HOOK1: variants seen among roughly 807,000 people sequenced by gnomAD.
The protein encoded by HOOK1 is hook microtubule tethering protein 1.
HOOK1 carries 60 observed loss-of-function variants against 112.8 expected under a neutral mutation model. That is an observed-to-expected ratio of 0.53 (90% CI 0.43 to 0.66). The LOEUF (loss-of-function observed/expected upper bound fraction) is 0.66. Among genes scored for constraint, HOOK1 ranks in the 30% least tolerant of loss-of-function variants. The pLI is 0.00. For missense variants in HOOK1, 770 were observed against 856.0 expected (o/e 0.90, Z 1.25); for synonymous variants, 294 against 283.8 (o/e 1.04, Z -0.36).
chr1:59,837,324 C>G (rs753170849), intron 7 of HOOK1, among the ~76,000 whole-genome samples: 42 of 152,290 alleles, frequency 2.8e-4, no homozygotes, highest in Middle Eastern at 3.4e-3. Flanking sequence ...CTCAAGGCTC[C>G]TTTCCTTCAG....
At chr1:59,825,550 T>C (rs1280638456) in intron 2 of HOOK1, among the ~76,000 whole-genome samples, 1 of 152,250 alleles carries the variant, frequency 6.6e-6, no homozygotes, top group Non-Finnish European at 1.5e-5. Flanking sequence ...TTATTTGACT[T>C]TCTTTCATTT....
rs887831172 is a variant in HOOK1 at position 59,845,577 on chromosome 1, GT to G, written c.789-1458del. Reference sequence around the variant, plus strand: ...ACCCTGCTAAAAGTTTTTTGTTTTTGTTTTTTTTTTCAATCATGATTAGCTG... The same window carrying G: ...ACCCTGCTAAAAGTTTTTTGTTTTTGTTTTTTTTTCAATCATGATTAGCTG... On this transcript the variant is annotated intron_variant, in intron 9 of 21. Transcript: ENST00000371208. Among the ~76,000 whole-genome samples, 26 of 142,384 alleles carry G rather than the reference GT, an allele frequency of 1.8e-4. 1 individual carries two copies. In the South Asian group the frequency reaches 4.0e-3, roughly 22 times the overall value. 93.4% of individuals were successfully genotyped at this position (142,384 alleles called of 152,430 possible). A position where few individuals can be genotyped will look rare whatever the true frequency, so the allele number is the denominator to read the frequency against.
intron 1 of HOOK1, 108 bp from the exon 2 acceptor site, chr1:59,821,750 T>C (rs986315079): frequency 2.7e-6 from 1 of 364,876 alleles, no homozygotes; most frequent in South Asian, 5.1e-5. Context: ...CAGGACCATG[T>C]TTTTTTTTTT....
At chr1:59,830,745 A>G (rs1314970754) in intron 3 of HOOK1, among the ~76,000 whole-genome samples, 1 of 151,952 alleles carries the variant, frequency 6.6e-6, no homozygotes. Flanking sequence ...CATTGTCTCA[A>G]TTCTTTTATC....
chr1:59,835,335 T>A lies in HOOK1; in HGVS notation c.407-10T>A, dbSNP rs778849399. The stretch of plus-strand genomic sequence containing the variant: ...AGATTTTTTTCAGATTTGATTTTTT[T>A]AAATCATAGAACATATTCAAAATAT... On this transcript the variant is annotated splice_polypyrimidine_tract_variant and intron_variant, in intron 5 of 21. Coordinates refer to ENST00000371208, the MANE Select transcript of HOOK1 (RefSeq NM_015888.6). 6 of 1,518,334 alleles carry A rather than the reference T, an allele frequency of 4.0e-6. No individual in the cohort carries two copies. The Admixed American group carries it at 5.1e-5, about 13-fold the overall frequency. The allele number at this position is 1,518,334 out of a possible 1,614,324, so 94.1% of individuals were successfully genotyped here. A position where few individuals can be genotyped will look rare whatever the true frequency, so the allele number is the denominator to read the frequency against.
At chr1:59,858,311 C>T (rs560689455) in intron 12 of HOOK1, 117 bp from the exon 13 acceptor site, 1 of 707,206 alleles carries the variant, frequency 1.4e-6, no homozygotes, top group Non-Finnish European at 2.5e-6. Flanking sequence ...AAAACTAAAA[C>T]ATTGTCACTT....
At chr1:59,856,404 G>A (rs994471718) in intron 12 of HOOK1, among the ~76,000 whole-genome samples, 2 of 150,452 alleles carry the variant, frequency 1.3e-5, no homozygotes, top group African/African-American at 4.9e-5. Context: ...AACATACTTA[G>A]AATAGCTCTC....
intron 2 of HOOK1, among the ~76,000 whole-genome samples, chr1:59,823,117 G>A (rs1283078619): frequency 2.0e-5 from 3 of 152,252 alleles, no homozygotes; most frequent in Non-Finnish European, 1.5e-5. Context: ...TCAGCAGATC[G>A]AGACCATCCT....
At chr1:59,858,232 G>T (rs113515730) in intron 12 of HOOK1, among the ~76,000 whole-genome samples, 196 bp from the exon 13 acceptor site, 1 of 152,254 alleles carries the variant, frequency 6.6e-6, no homozygotes, top group South Asian at 2.1e-4. Flanking sequence ...TAAGCTATCT[G>T]ATGGGAAAGT....
intron 1 of HOOK1, among the ~76,000 whole-genome samples, chr1:59,816,236 A>G (rs966765403): frequency 2.6e-5 from 4 of 152,234 alleles, no homozygotes; most frequent in African/African-American, 9.6e-5. Flanking sequence ...AAATGTGTGA[A>G]GCCTATTGGA....
chr1:59,835,511 G>T, intron 6 of HOOK1, 99 bp downstream of exon 6: 1 of 728,392 alleles, frequency 1.4e-6, no homozygotes, highest in South Asian at 1.9e-5. Context: ...CTTGCTCTTT[G>T]TTGTAAGTTT....
At chr1:59,854,004 AT>A (rs2098408697) in intron 12 of HOOK1, among the ~76,000 whole-genome samples, 1 of 8,910 alleles carries the variant, frequency 1.1e-4, no homozygotes, top group Non-Finnish European at 2.1e-4. Flanking sequence ...AATCTTAAAT[AT>A]ATATATATAT....
At chr1:59,858,885 G>T (rs532159822) in intron 13 of HOOK1, 100 bp from the exon 14 acceptor site, 29 of 519,774 alleles carry the variant, frequency 5.6e-5, no homozygotes, top group South Asian at 3.3e-4. Flanking sequence ...AGACCCTATC[G>T]AAAGAAAGAA....
At chr1:59,872,619 T>G (rs1184073376) in intron 21 of HOOK1, among the ~76,000 whole-genome samples, 176 bp from the exon 22 acceptor site, 1 of 152,234 alleles carries the variant, frequency 6.6e-6, no homozygotes, top group Non-Finnish European at 1.5e-5. Context: ...TTGTGCCTTC[T>G]TACTAGCATT....
chr1:59,847,275 A>G, intron 10 of HOOK1, 90 bp downstream of exon 10: 1 of 1,106,662 alleles, frequency 9.0e-7, no homozygotes, highest in Non-Finnish European at 1.3e-6. Context: ...GATTCATAGG[A>G]TTATTCCTGT....
chr1:59,832,449 A>G (rs2098394689), intron 4 of HOOK1, among the ~76,000 whole-genome samples: 2 of 152,134 alleles, frequency 1.3e-5, no homozygotes, highest in African/African-American at 4.8e-5. Flanking sequence ...TTTCAAGTAG[A>G]ATTACCTTCA....
chr1:59,827,753 G>A (rs1179916719), intron 2 of HOOK1, among the ~76,000 whole-genome samples: 1 of 151,572 alleles, frequency 6.6e-6, no homozygotes, highest in Non-Finnish European at 1.5e-5. Flanking sequence ...GGTTATCATA[G>A]CCAGAAGAGT....
intron 3 of HOOK1, among the ~76,000 whole-genome samples, chr1:59,829,497 C>T (rs2098392258): frequency 6.6e-6 from 1 of 151,890 alleles, no homozygotes; most frequent in African/African-American, 2.4e-5. Context: ...ATTTTTAAGT[C>T]AGTTTTGTTG....
chr1:59,862,261 A>G (rs2098414030), intron 15 of HOOK1, among the ~76,000 whole-genome samples: 1 of 152,210 alleles, frequency 6.6e-6, no homozygotes, highest in African/African-American at 2.4e-5. Flanking sequence ...AGTAACTTCC[A>G]GTGGAAGTAA....
Sources: gnomAD v4.1 joint callset for allele counts (sites outside exome capture counted in the v4.1 genomes callset) on GRCh38, gnomAD v4.1.1 for gene constraint, MANE v1.5 for transcripts, NCBI Gene and HGNC (gene_info 2026-07-23, HGNC 2026-07-21) for gene names.